Variants in SLFN14 observed in about 807,000 individuals in gnomAD.
SLFN14 encodes schlafen family member 14, also known as protein SLFN14.
In SLFN14, 47 loss-of-function variants were observed where a neutral mutation model predicts 58.6. The observed-to-expected ratio is 0.80, with a 90% CI of 0.64 to 1.02. The LOEUF (loss-of-function observed/expected upper bound fraction) is 1.02. SLFN14 is among the 50% of genes least tolerant of loss of function. SLFN14 has a pLI of 0.00. For missense variants in SLFN14, 967 were observed against 1,078.4 expected, an observed-to-expected ratio of 0.90 and a Z score of 1.45; for synonymous variants, 390 against 387.3, an observed-to-expected ratio of 1.01 and a Z score of -0.08.
chr17:35,550,498 A>G (rs1234890745), intron 5 of SLFN14, among the ~76,000 whole-genome samples: 1 of 152,230 alleles, frequency 6.6e-6, no homozygotes, highest in Non-Finnish European at 1.5e-5. Flanking sequence ...GTGAGCTGAG[A>G]TCGTGCCACT....
Position 35,548,669 on chromosome 17 carries a change from T to C in SLFN14, c.2309A>G (p.Tyr770Cys). ...AGCCTGGGCACACGTTGCTTCCTCA[T>C]AGGCAGTCTCGCTGAACAATGCTAA... ...DTLALFSETA[Y>C]EEATCAQALP... Residue 770 changes from tyrosine to cysteine, a missense_variant, in exon 6 of 6, where the codon TAT becomes TGT. Transcript: ENST00000674182. 2 of 1,551,768 alleles carry C rather than the reference T, an allele frequency of 1.3e-6. No homozygotes were observed. The highest frequency in any genetic ancestry group is 1.7e-6 in the Non-Finnish European group (2 of 1,147,002).
At position 35,544,043 on chromosome 17, in the gene SLFN14, GGCTAA is replaced by G. The variant is rs2072517677; in HGVS notation, c.*4191_*4195del. ...TGCACTTTCAGATCAGCTGGATTTTGGCTAAGCTAGTTAGGACTGGTGGAACTTGG... is the reference window on the plus strand; with the variant it reads ...TGCACTTTCAGATCAGCTGGATTTTGGCTAGTTAGGACTGGTGGAACTTGG... On this transcript the variant is annotated 3_prime_UTR_variant, in exon 6 of 6. Coordinates refer to ENST00000674182, the MANE Select transcript of SLFN14 (RefSeq NM_001129820.2). 6.6e-6 allele frequency among the ~76,000 whole-genome samples: 1 copy of G among 152,180 alleles called. No homozygotes were observed.
chr17:35,553,916 A>G (rs1567713495), intron 4 of SLFN14, among the ~76,000 whole-genome samples: 1 of 152,208 alleles, frequency 6.6e-6, no homozygotes, highest in Non-Finnish European at 1.5e-5. Context: ...CTGGGATTAC[A>G]GGCATGAGCC....
chr17:35,557,867 C>T lies in SLFN14; in HGVS notation c.196G>A (p.Asp66Asn). ...TGGCATTGGTAACTATAGGTTTTAT[C>T]ATCAATCTCTGCTTTGATCACACCA... ...GGGVIKAEID[D>N]KTYSYQCHGL... Residue 66 changes from aspartate to asparagine, a missense_variant, in exon 3 of 6, where the codon GAT (aspartate) becomes AAT (asparagine). Coordinates refer to ENST00000674182, the MANE Select transcript of SLFN14 (RefSeq NM_001129820.2). The T allele has an allele frequency of 6.4e-7, 1 of 1,551,690 alleles. No individual in the cohort carries two copies. The highest frequency in any genetic ancestry group is 1.7e-4 in the Middle Eastern group (1 of 5,992).
intron 5 of SLFN14, among the ~76,000 whole-genome samples, chr17:35,551,491 C>T (rs540246060): frequency 1.5e-3 from 228 of 152,306 alleles, no homozygotes; most frequent in African/African-American, 5.1e-3. Flanking sequence ...ACCTAAGCCC[C>T]GCAACAAAAG....
rs201918359 is a variant in SLFN14 at position 35,553,508 on chromosome 17, C to T, written c.1190-64G>A. On this transcript the variant is annotated intron_variant, in intron 4 of 5. Transcript: ENST00000674182. ...AAGCATGTGGTAAGTATTCCTGCAA[C>T]GTTGCAGAAAAAAATGATACCTGGT... 64 of 1,289,550 alleles carry T rather than the reference C, an allele frequency of 5.0e-5. No homozygotes were observed. The East Asian group carries it at 6.7e-4, about 13-fold the overall frequency. 79.9% of individuals were successfully genotyped at this position (1,289,550 alleles called of 1,614,324 possible).
In SLFN14 at chr17:35,545,054, C is replaced by G. The variant is rs557037277; in HGVS notation, c.*3185G>C. On this transcript the variant is annotated 3_prime_UTR_variant, in exon 6 of 6. Transcript: ENST00000674182. Reference sequence around the variant, plus strand: ...CCAAGTTAGTCCATTATTCTTAGTCCCCACCAGTTCCTAATCTTACATTTG... The same window carrying G: ...CCAAGTTAGTCCATTATTCTTAGTCGCCACCAGTTCCTAATCTTACATTTG... 4.3e-4 allele frequency among the ~76,000 whole-genome samples: 66 copies of G among 152,122 alleles called. No homozygotes were observed. The highest frequency in any genetic ancestry group is 3.4e-4 in the Non-Finnish European group (23 of 67,996).
rs1010003534 is a variant in SLFN14 at position 35,544,505 on chromosome 17, C to G, written c.*3734G>C. On this transcript the variant is annotated 3_prime_UTR_variant, in exon 6 of 6. Transcript: ENST00000674182. ...AGCAAAAATGAAAAAATGTTACACC[C>G]AGATAACAAGATGATTTAAGAACTT... Among the ~76,000 whole-genome samples the G allele has an allele frequency of 6.6e-6, 1 of 150,882 alleles. No homozygotes were observed. Among genetic ancestry groups the G allele is most frequent in the African/African-American group, 2.4e-5 (1 of 41,000 alleles).
chr17:35,550,412 G>T (rs938725999), intron 5 of SLFN14, among the ~76,000 whole-genome samples: 3 of 152,152 alleles, frequency 2.0e-5, no homozygotes, highest in South Asian at 4.1e-4. Flanking sequence ...TAGGCGTGGT[G>T]ATGCACACTT....
chr17:35,544,528 CT>C lies in SLFN14; in HGVS notation c.*3710del, dbSNP rs10641330. Among the ~76,000 whole-genome samples the C allele has an allele frequency of 0.042, 5,860 of 139,758 alleles. 179 individuals are homozygous for C. The highest frequency in any genetic ancestry group is 0.19 in the East Asian group (901 of 4,862). The allele number at this position is 139,758 out of a possible 152,430, so 91.7% of individuals were successfully genotyped here. ...CCCAGATAACAAGATGATTTAAGAA[CT>C]TTTTTTTTTTTTTTTTGAGACAGAG... On this transcript the variant is annotated 3_prime_UTR_variant, in exon 6 of 6. Transcript: ENST00000674182.
At chr17:35,549,680 A>G (rs1440986852) in intron 5 of SLFN14, among the ~76,000 whole-genome samples, 1 of 152,162 alleles carries the variant, frequency 6.6e-6, no homozygotes, top group Non-Finnish European at 1.5e-5. Context: ...ACGCTTTAGC[A>G]TATATGTATT....
chr17:35,545,328 T>C lies in SLFN14; in HGVS notation c.*2911A>G, dbSNP rs2072526093. Among the ~76,000 whole-genome samples the C allele has an allele frequency of 6.6e-6, 1 of 152,220 alleles. No homozygotes were observed. Among genetic ancestry groups the C allele is most frequent in the Non-Finnish European group, 1.5e-5 (1 of 68,038 alleles). ...AGCACCTGCCCTGTGTGAGGCACTG[T>C]ACTAGTTGCTCTAGGGGAAATAAGG... On this transcript the variant is annotated 3_prime_UTR_variant, in exon 6 of 6. Coordinates refer to ENST00000674182, the MANE Select transcript of SLFN14 (RefSeq NM_001129820.2).
Position 35,559,769 on chromosome 17 carries a change from C to T in SLFN14, c.-87G>A, listed in dbSNP as rs748946477. On this transcript the variant is annotated 5_prime_UTR_variant, in exon 2 of 6. Coordinates refer to ENST00000674182, the MANE Select transcript of SLFN14 (RefSeq NM_001129820.2). ...GCATCCGGCAAGACATGTGCACTCC[C>T]CTGATATCAATTTGTTCTTGGTTGC... Among the ~76,000 whole-genome samples, 2 of 152,128 alleles carry T rather than the reference C, an allele frequency of 1.3e-5. No individual in the cohort carries two copies. Among genetic ancestry groups the T allele is most frequent in the African/African-American group, 2.4e-5 (1 of 41,434 alleles).
intron 4 of SLFN14, 34 bp downstream of exon 4, chr17:35,554,542 A>G (rs2072630566): frequency 2.0e-6 from 3 of 1,499,514 alleles, no homozygotes; most frequent in Non-Finnish European, 2.7e-6. Flanking sequence ...TTAGAAAACA[A>G]ATAGTCCCCT....
At chr17:35,553,558 C>G in intron 4 of SLFN14, 114 bp from the exon 5 acceptor site, 1 of 850,068 alleles carries the variant, frequency 1.2e-6, no homozygotes, top group Non-Finnish European at 1.8e-6. Context: ...AAGAGCTTTC[C>G]TTTAGAATTG....
intron 5 of SLFN14, among the ~76,000 whole-genome samples, chr17:35,551,038 GAA>G (rs962073887): frequency 6.7e-6 from 1 of 148,872 alleles, no homozygotes; most frequent in Non-Finnish European, 1.5e-5. Context: ...TGGATTGTGA[GAA>G]AAAAAAAAGT....
chr17:35,559,521 T>C (rs1181540388), intron 2 of SLFN14, among the ~76,000 whole-genome samples: 1 of 152,218 alleles, frequency 6.6e-6, no homozygotes, highest in Admixed American at 6.6e-5. Context: ...GTCACCCTTC[T>C]TTTGCTTCCT....
At chr17:35,554,799 C>G in intron 3 of SLFN14, 95 bp from the exon 4 acceptor site, 1 of 1,107,566 alleles carries the variant, frequency 9.0e-7, no homozygotes, top group Non-Finnish European at 1.2e-6. Flanking sequence ...TTACTGGAGA[C>G]CTGTGATGTG....
Position 35,552,967 on chromosome 17 carries a change from C to A in SLFN14, c.1667G>T (p.Arg556Ile). 2 of 1,551,604 alleles carry A rather than the reference C, an allele frequency of 1.3e-6. No individual in the cohort carries two copies. Among genetic ancestry groups the A allele is most frequent in the Non-Finnish European group, 1.7e-6 (2 of 1,146,992 alleles). The change falls in exon 5 of 6, where the codon AGA becomes ATA. Residue 556 changes from arginine to isoleucine, a missense_variant. By Grantham distance (97) the Arg-to-Ile change is moderately conservative (BLOSUM62 -3). Transcript: ENST00000674182. ...GCCCATCTGGTCACTCAGAAGAGAT[C>A]TGGAGGACAGGGAGACCACCACCAG... Reference protein sequence around the residue: ...QALVVVSLSSRSLLSDQMGCE... With the variant: ...QALVVVSLSSISLLSDQMGCE...
Sources: allele counts gnomAD v4.1 joint callset (sites outside exome capture counted in the v4.1 genomes callset), GRCh38; gene constraint gnomAD v4.1.1; transcripts MANE v1.5; gene names NCBI Gene and HGNC (gene_info 2026-07-23, HGNC 2026-07-21).